GRIA1: variants seen among roughly 807,000 people sequenced by gnomAD.
GRIA1 encodes glutamate ionotropic receptor AMPA type subunit 1.
A neutral mutation model predicts 99.2 loss-of-function variants in GRIA1; 31 were observed. That is an observed-to-expected ratio of 0.31 (90% CI 0.23 to 0.42). GRIA1 has a LOEUF of 0.42. Among genes scored for constraint, GRIA1 ranks in the 10% least tolerant of loss-of-function variants. The pLI, the probability that GRIA1 is intolerant of heterozygous loss-of-function variation, is 1.00. For missense variants in GRIA1, 782 were observed against 1,157.5 expected (o/e 0.68, Z 4.71); for synonymous variants, 438 against 432.4 (o/e 1.01, Z -0.16).
chr5:153,767,810 C>T (rs1007601878), intron 12 of GRIA1, among the ~76,000 whole-genome samples: 3 of 152,142 alleles, frequency 2.0e-5, no homozygotes, highest in Non-Finnish European at 2.9e-5. Flanking sequence ...TAGGAGAGAT[C>T]CAAGAACAAA....
At chr5:153,630,686 G>T (rs923989408) in intron 2 of GRIA1, among the ~76,000 whole-genome samples, 1 of 152,206 alleles carries the variant, frequency 6.6e-6, no homozygotes, top group African/African-American at 2.4e-5. Flanking sequence ...AAATCCAGCA[G>T]AGATTTTATG....
chr5:153,697,245 C>T (rs760305888), intron 8 of GRIA1, among the ~76,000 whole-genome samples: 5 of 152,214 alleles, frequency 3.3e-5, no homozygotes, highest in Non-Finnish European at 7.3e-5. Flanking sequence ...CTTCTGCGGC[C>T]ATGTCATGTC....
At chr5:153,505,999 C>A (rs1403305258) in intron 2 of GRIA1, among the ~76,000 whole-genome samples, 1 of 152,170 alleles carries the variant, frequency 6.6e-6, no homozygotes, top group Non-Finnish European at 1.5e-5. Context: ...GCCCCATGGG[C>A]AACTTGGATT....
At chr5:153,503,044 T>G (rs1755158140) in intron 2 of GRIA1, among the ~76,000 whole-genome samples, 1 of 152,222 alleles carries the variant, frequency 6.6e-6, no homozygotes, top group East Asian at 1.9e-4. Context: ...ACATTCATTT[T>G]TAATGGTTTC....
chr5:153,811,350 G>A lies in GRIA1; in HGVS notation c.*125G>A, dbSNP rs780845799. On this transcript the variant is annotated 3_prime_UTR_variant, in exon 16 of 16. Coordinates refer to ENST00000285900, the MANE Select transcript of GRIA1 (RefSeq NM_000827.4). ...CCACCAACCACTGCGACCACAAGAA[G>A]GATGATTCAACAGGTTTTCCTGAAG... 3 of 667,364 alleles carry A rather than the reference G, an allele frequency of 4.5e-6. No individual in the cohort carries two copies. Among genetic ancestry groups the A allele is most frequent in the Non-Finnish European group, 8.0e-6 (3 of 374,286 alleles). 41.3% of individuals were successfully genotyped at this position (667,364 alleles called of 1,614,324 possible).
At chr5:153,740,715 T>A (rs1326096652) in intron 11 of GRIA1, among the ~76,000 whole-genome samples, 1 of 152,216 alleles carries the variant, frequency 6.6e-6, no homozygotes, top group Admixed American at 6.5e-5. Context: ...CTGATGCTAG[T>A]TGCAGACATT....
intron 11 of GRIA1, among the ~76,000 whole-genome samples, chr5:153,740,764 G>A (rs1241204621): frequency 6.6e-6 from 1 of 152,126 alleles, no homozygotes; most frequent in Non-Finnish European, 1.5e-5. Flanking sequence ...CAGAAGTGAT[G>A]TGTGTCACTA....
chr5:153,688,673 G>A (rs1200033586), intron 8 of GRIA1, among the ~76,000 whole-genome samples: 1 of 152,100 alleles, frequency 6.6e-6, no homozygotes, highest in East Asian at 1.9e-4. Flanking sequence ...CTCTGGAAGG[G>A]ACACCAAATA....
chr5:153,727,350 A>G (rs1417336790), intron 11 of GRIA1, among the ~76,000 whole-genome samples: 2 of 151,900 alleles, frequency 1.3e-5, no homozygotes, highest in Admixed American at 6.6e-5. Context: ...CTCTCTCACC[A>G]CTCCTATTCA....
Position 153,591,499 on chromosome 5 carries a change from C to G in GRIA1, c.221-55429C>G, listed in dbSNP as rs562940450. Reference sequence around the variant, plus strand: ...ATACATAAAATTCCCCTGCATAGCACTAGGTCACATGTAGGCAATAATTAT... The same window carrying G: ...ATACATAAAATTCCCCTGCATAGCAGTAGGTCACATGTAGGCAATAATTAT... On this transcript the variant is annotated intron_variant, in intron 2 of 15. Coordinates refer to ENST00000285900, the MANE Select transcript of GRIA1 (RefSeq NM_000827.4). Among the ~76,000 whole-genome samples the G allele has an allele frequency of 2.1e-4, 32 of 152,322 alleles. 1 individual carries two copies. The South Asian group carries it at 6.6e-3, about 32-fold the overall frequency.
intron 11 of GRIA1, among the ~76,000 whole-genome samples, chr5:153,739,756 AT>A (rs1370796112): frequency 6.6e-6 from 1 of 152,140 alleles, no homozygotes; most frequent in African/African-American, 2.4e-5. Flanking sequence ...CTTAAACCCA[AT>A]CAGTAAGACA....
intron 2 of GRIA1, among the ~76,000 whole-genome samples, chr5:153,641,633 C>G (rs959310623): frequency 6.6e-6 from 1 of 152,184 alleles, no homozygotes; most frequent in Non-Finnish European, 1.5e-5. Context: ...AATGCTCTCT[C>G]TATCTCTGCC....
upstream of GRIA1, chr5:153,489,732 T>G (rs781219232): frequency 1.5e-5 from 7 of 455,022 alleles, no homozygotes; most frequent in Non-Finnish European, 2.7e-5. Flanking sequence ...GGAGAGTCTA[T>G]GAAGTTCCAG....
At chr5:153,767,524 T>A (rs970991110) in intron 12 of GRIA1, among the ~76,000 whole-genome samples, 1 of 152,162 alleles carries the variant, frequency 6.6e-6, no homozygotes, top group African/African-American at 2.4e-5. Flanking sequence ...TGCCAAGATA[T>A]GTCCCATGCA....
intron 2 of GRIA1, among the ~76,000 whole-genome samples, chr5:153,590,412 G>A (rs1032796655): frequency 6.6e-6 from 1 of 151,960 alleles, no homozygotes; most frequent in Non-Finnish European, 1.5e-5. Flanking sequence ...TTTAGGGTTG[G>A]ATAAAATGGA....
intron 1 of GRIA1, chr5:153,491,174 C>A: frequency 9.4e-7 from 1 of 1,059,528 alleles, no homozygotes; most frequent in Non-Finnish European, 1.3e-6. Context: ...GGGAAGTGTT[C>A]ACACACGCAC....
intron 6 of GRIA1, 118 bp from the exon 7 acceptor site, chr5:153,676,876 C>G: frequency 1.5e-6 from 1 of 663,376 alleles, no homozygotes; most frequent in East Asian, 3.1e-5. Context: ...GTATACCATG[C>G]ATCTGGCCCA....
intron 11 of GRIA1, among the ~76,000 whole-genome samples, chr5:153,711,636 A>G (rs1759321658): frequency 6.6e-6 from 1 of 152,172 alleles, no homozygotes; most frequent in Admixed American, 6.5e-5. Flanking sequence ...GGCGATACCT[A>G]TGGCTGATTG....
intron 2 of GRIA1, among the ~76,000 whole-genome samples, chr5:153,523,488 C>T (rs1427676902): frequency 1.3e-5 from 2 of 150,702 alleles, no homozygotes; most frequent in African/African-American, 4.9e-5. Context: ...CTCATTTGAC[C>T]CTGAACTCAG....
Sources: gnomAD v4.1 joint callset for allele counts (sites outside exome capture counted in the v4.1 genomes callset) on GRCh38, gnomAD v4.1.1 for gene constraint, MANE v1.5 for transcripts, NCBI Gene and HGNC (gene_info 2026-07-23, HGNC 2026-07-21) for gene names.